MYCBP2: variants seen among roughly 807,000 people sequenced by gnomAD.
The protein encoded by MYCBP2 is MYC binding protein 2, also known as E3 ubiquitin-protein ligase MYCBP2.
MYCBP2 carries 120 observed loss-of-function variants against 525.3 expected under a neutral mutation model. The ratio of observed to expected loss-of-function variants is 0.23; its 90% CI spans 0.20 to 0.27. The LOEUF (loss-of-function observed/expected upper bound fraction) is 0.27, where lower values mean the gene tolerates loss of function less well. Ranked by LOEUF, MYCBP2 falls within the 10% of genes least tolerant of loss-of-function variation. The pLI is 1.00. For missense variants in MYCBP2, 4,149 were observed against 5,657.1 expected, an observed-to-expected ratio of 0.73 and a Z score of 8.55; for synonymous variants, 1,894 against 1,955.8, an observed-to-expected ratio of 0.97 and a Z score of 0.83.
rs1187525560 is a variant in MYCBP2 at position 77,326,487 on chromosome 13, G to A, written c.289C>T (p.His97Tyr). 1.2e-5 allele frequency: 19 copies of A among 1,579,612 alleles called. No individual in the cohort carries two copies. Among genetic ancestry groups the A allele is most frequent in the Non-Finnish European group, 1.5e-5 (18 of 1,164,330 alleles). The part of the protein sequence containing the change: ...DRDQGGGSAG[H>Y]PASRNKKILN... ...CTGGGGACGCACCTGGAGGCTGGGT[G>A]TCCAGCGCTGCCGCCCCCCTGGTCC... The change falls in exon 1 of 83, where the codon CAC (histidine) becomes TAC (tyrosine). Residue 97 changes from histidine (H) to tyrosine (Y), a missense_variant. By Grantham distance (83) the His-to-Tyr change is moderately conservative (BLOSUM62 2). Coordinates refer to ENST00000544440, the MANE Select transcript of MYCBP2 (RefSeq NM_015057.5). This position sits in a 1 kb window ranked among gnomAD's most constrained non-coding sequence, Gnocchi z 4.2.
intron 51 of MYCBP2, 139 bp downstream of exon 51, chr13:77,139,908 T>G (rs1237058811): frequency 5.5e-6 from 3 of 541,988 alleles, no homozygotes; most frequent in Non-Finnish European, 3.2e-6. Flanking sequence ...AATGAACACA[T>G]TCTATAAAAT....
rs2038528812 is a variant in MYCBP2, at chr13:77,058,089, C to T, written c.13329+129G>A. ...TCTCCTGACCTCGTGATCCACCTGCCTCGGCCTCCCAAAGTGCTGGGATTA... is the reference window on the plus strand; with the variant it reads ...TCTCCTGACCTCGTGATCCACCTGCTTCGGCCTCCCAAAGTGCTGGGATTA... On this transcript the variant is annotated intron_variant, in intron 78 of 82. Coordinates refer to ENST00000544440, the MANE Select transcript of MYCBP2 (RefSeq NM_015057.5). This position sits in a 1 kb window ranked among gnomAD's most constrained non-coding sequence, Gnocchi z 4.1. 1 of 966,196 alleles carries T rather than the reference C, an allele frequency of 1.0e-6. No individual in the cohort carries two copies. Among genetic ancestry groups the T allele is most frequent in the Admixed American group, 2.3e-5 (1 of 42,908 alleles). The allele number at this position is 966,196 out of a possible 1,614,324, so 59.9% of individuals were successfully genotyped here. A position where few individuals can be genotyped will look rare whatever the true frequency, so the allele number is the denominator to read the frequency against.
intron 17 of MYCBP2, among the ~76,000 whole-genome samples, chr13:77,242,546 G>A (rs930314228): frequency 3.9e-5 from 6 of 152,132 alleles, no homozygotes; most frequent in African/African-American, 1.2e-4. Context: ...ACTAGAATGA[G>A]GTTTTTCCAA....
At chr13:77,231,500 C>G (rs956067393) in intron 18 of MYCBP2, among the ~76,000 whole-genome samples, 1 of 152,224 alleles carries the variant, frequency 6.6e-6, no homozygotes, top group Admixed American at 6.5e-5. Context: ...ACCCCCTCAG[C>G]CTTCCAAAGT....
Position 77,205,421 on chromosome 13 carries a change from C to T in MYCBP2, c.3716-38G>A, listed in dbSNP as rs188176075. On this transcript the variant is annotated intron_variant, in intron 25 of 82. Transcript: ENST00000544440. The stretch of plus-strand genomic sequence containing the variant: ...AATCATAATCTATGTTTTAAAAGAT[C>T]CATATATATTTCAGTTGTAAGACAA... The T allele has an allele frequency of 5.6e-6, 9 of 1,612,014 alleles. No individual in the cohort carries two copies. The African/African-American group carries it at 1.1e-4, about 19-fold the overall frequency.
chr13:77,076,345 G>A (rs1353608850), intron 68 of MYCBP2: 1 of 156,218 alleles, frequency 6.4e-6, no homozygotes, highest in Non-Finnish European at 1.4e-5. Flanking sequence ...ATGAACTCCA[G>A]CAGAGAGAAA....
Position 77,281,786 on chromosome 13 carries a change from CTAAG to C in MYCBP2, c.595-2879_595-2876del, listed in dbSNP as rs200029633. ...CAAACGTGACTTTATTATTTCATGA[CTAAG>C]TGTGATCATAAAAGTTTAGTTACAT... On this transcript the variant is annotated intron_variant, in intron 3 of 82. Coordinates refer to ENST00000544440, the MANE Select transcript of MYCBP2 (RefSeq NM_015057.5). 1.2e-3 allele frequency among the ~76,000 whole-genome samples: 178 copies of C among 152,220 alleles called. 4 individuals carry two copies. In the East Asian group the frequency reaches 0.027, roughly 23 times the overall value.
At position 77,251,233 on chromosome 13, in the gene MYCBP2, T is replaced by C; in HGVS notation, c.2299A>G (p.Met767Val). The C allele has an allele frequency of 6.2e-7, 1 of 1,614,200 alleles. No homozygotes were observed. Among genetic ancestry groups the C allele is most frequent in the Non-Finnish European group, 8.5e-7 (1 of 1,180,030 alleles). Residue 767 changes from methionine (M) to valine (V), a missense_variant, in exon 15 of 83, where the codon ATG becomes GTG. Met to Val is a conservative substitution (Grantham distance 21). This residue lies in a region of MYCBP2 where 620 missense variants were observed against 795.5 expected (regional missense o/e 0.78). Transcript: ENST00000544440. ...CAGTCTCCACAGACAGTGCAAACCA[T>C]GCACTGCTCCAGCTTCCATTTGTGC... Reference protein sequence around the residue: ...GMHKWKLEQCMVCTVCGDCTG... With the variant: ...GMHKWKLEQCVVCTVCGDCTG...
At chr13:77,274,575 G>A (rs2075291457) in intron 4 of MYCBP2, among the ~76,000 whole-genome samples, 1 of 152,162 alleles carries the variant, frequency 6.6e-6, no homozygotes, top group Admixed American at 6.6e-5. Flanking sequence ...GGGTTATCTG[G>A]TAACTTACAG....
At chr13:77,142,945 T>C (rs1342386019) in intron 49 of MYCBP2, among the ~76,000 whole-genome samples, 3 of 152,174 alleles carry the variant, frequency 2.0e-5, no homozygotes, top group Non-Finnish European at 2.9e-5. Flanking sequence ...GCATTTCAGA[T>C]AAAAGATACT....
chr13:77,292,008 T>C lies in MYCBP2; in HGVS notation c.379-3632A>G, dbSNP rs186346666. Among the ~76,000 whole-genome samples the C allele has an allele frequency of 1.6e-4, 24 of 152,310 alleles. 1 individual carries two copies. The South Asian group carries it at 4.3e-3, about 28-fold the overall frequency. On this transcript the variant is annotated intron_variant, in intron 2 of 82. Coordinates refer to ENST00000544440, the MANE Select transcript of MYCBP2 (RefSeq NM_015057.5). ...CTGGCCTGTCAGACTGCTCTGCATG[T>C]ACGAACATCAAGCTTTACAATGTGT... is the stretch of plus-strand genomic sequence containing the variant.
At chr13:77,119,150 AT>A (rs1324645620) in intron 55 of MYCBP2, among the ~76,000 whole-genome samples, 10 of 152,234 alleles carry the variant, frequency 6.6e-5, no homozygotes, top group Admixed American at 5.9e-4. Context: ...CCTAATTTGA[AT>A]AGTATCTAAA....
chr13:77,224,809 G>A (rs1341939280), intron 19 of MYCBP2, among the ~76,000 whole-genome samples: 2 of 151,892 alleles, frequency 1.3e-5, no homozygotes, highest in Admixed American at 6.6e-5. Flanking sequence ...CACTGGTTCA[G>A]GTCAACTGTA....
rs1055728866 is a variant in MYCBP2, at chr13:77,044,761, T to C, written c.*617A>G. ...GAGGCACACTCAGTATTGCACTTCA[T>C]TAAAATTTCAGGCTCAAACTTAACC... On this transcript the variant is annotated 3_prime_UTR_variant, in exon 83 of 83. Transcript: ENST00000544440. 7.5e-6 allele frequency: 3 copies of C among 398,772 alleles called. No individual in the cohort carries two copies. Among genetic ancestry groups the C allele is most frequent in the African/African-American group, 2.1e-5 (1 of 48,626 alleles). The allele number at this position is 398,772 out of a possible 1,614,324, so 24.7% of individuals were successfully genotyped here. A position where few individuals can be genotyped will look rare whatever the true frequency, so the allele number is the denominator to read the frequency against.
intron 1 of MYCBP2, among the ~76,000 whole-genome samples, chr13:77,318,754 A>AAAAC (rs201826002): frequency 1.3e-5 from 2 of 152,196 alleles, no homozygotes; most frequent in Non-Finnish European, 2.9e-5. Context: ...ACTCTGCCTC[A>AAAAC]AAACAAACAA....
At chr13:77,253,206 T>C (rs1350206332) in intron 14 of MYCBP2, among the ~76,000 whole-genome samples, 1 of 151,938 alleles carries the variant, frequency 6.6e-6, no homozygotes. Context: ...TCAAACTCAG[T>C]ATTAATAATC....
At chr13:77,112,638 T>C (rs994250616) in intron 55 of MYCBP2, among the ~76,000 whole-genome samples, 12 of 151,986 alleles carry the variant, frequency 7.9e-5, no homozygotes, top group African/African-American at 2.7e-4. Context: ...AAGGACTTGC[T>C]ATGTTGTCTT....
At chr13:77,210,618 G>C (rs1484883336) in intron 23 of MYCBP2, among the ~76,000 whole-genome samples, 2 of 152,108 alleles carry the variant, frequency 1.3e-5, no homozygotes, top group African/African-American at 4.8e-5. Context: ...ACCAGTAAGA[G>C]TATTTTTTAA....
chr13:77,104,753 A>G (rs957931369), intron 55 of MYCBP2, among the ~76,000 whole-genome samples: 7 of 152,116 alleles, frequency 4.6e-5, no homozygotes, highest in African/African-American at 1.4e-4. Context: ...TGGCAACACA[A>G]AAGTCACAGA....
Sources: gnomAD v4.1 joint callset for allele counts (sites outside exome capture counted in the v4.1 genomes callset) on GRCh38, gnomAD v4.1.1 for gene constraint, gnomAD v4.1.1 regional missense constraint, Gnocchi (gnomAD v3.1) non-coding constraint, MANE v1.5 for transcripts, NCBI Gene and HGNC (gene_info 2026-07-23, HGNC 2026-07-21) for gene names.